Variants in CADM2 observed in about 807,000 individuals in gnomAD.
CADM2 encodes the protein immunoglobulin superfamily member 4D.
Under a neutral mutation model 49.8 loss-of-function variants are expected in CADM2, and 12 were observed. The ratio of observed to expected loss-of-function variants is 0.24; its 90% CI spans 0.15 to 0.39. The LOEUF is 0.39. CADM2 is among the 10% of genes least tolerant of loss of function. The pLI is 1.00. For missense variants in CADM2, 378 were observed against 492.3 expected (o/e 0.77, Z 2.20); for synonymous variants, 214 against 175.4 (o/e 1.22, Z -1.74).
Position 85,680,908 on chromosome 3 carries a change from G to A in CADM2, c.62-45614G>A, listed in dbSNP as rs1463274266. Among the ~76,000 whole-genome samples the A allele has an allele frequency of 2.6e-5, 4 of 152,104 alleles. No homozygotes were observed. The East Asian group carries it at 7.7e-4, about 29-fold the overall frequency. ...GATAAAGTTCCTGATAGAGAACTGT[G>A]TAATCATTTCAGAGAATATTGGGGT... is the stretch of plus-strand genomic sequence containing the variant. On this transcript the variant is annotated intron_variant, in intron 1 of 9. Transcript: ENST00000383699.
chr3:85,826,317 T>C (rs918330020), intron 3 of CADM2, among the ~76,000 whole-genome samples: 2 of 152,216 alleles, frequency 1.3e-5, no homozygotes, highest in East Asian at 1.9e-4. Context: ...TATTATTTAA[T>C]GAACAAATGC....
chr3:85,344,336 G>T (rs2030315286), intron 1 of CADM2, among the ~76,000 whole-genome samples: 1 of 151,540 alleles, frequency 6.6e-6, no homozygotes. Flanking sequence ...AGCAGAGATT[G>T]CGCCACTGCA....
chr3:85,827,926 G>T (rs2073999928), intron 3 of CADM2: 1 of 151,888 alleles, frequency 6.6e-6, no homozygotes, highest in South Asian at 2.1e-4. Context: ...CTTGTCTGAA[G>T]TTGGTTATGG....
chr3:85,076,846 C>T (rs2036964499), intron 1 of CADM2, among the ~76,000 whole-genome samples: 1 of 152,070 alleles, frequency 6.6e-6, no homozygotes, highest in Non-Finnish European at 1.5e-5. Flanking sequence ...GTGGCAGGCA[C>T]CTGCAATCCC....
At chr3:85,565,921 G>A (rs2062240606) in intron 1 of CADM2, among the ~76,000 whole-genome samples, 1 of 151,586 alleles carries the variant, frequency 6.6e-6, no homozygotes, top group Non-Finnish European at 1.5e-5. Context: ...TTGTTTATAA[G>A]TAAGCACTGG....
chr3:85,803,336 TGTAGTGGA>T (rs1357806117), intron 3 of CADM2, among the ~76,000 whole-genome samples: 2 of 152,058 alleles, frequency 1.3e-5, no homozygotes, highest in African/African-American at 2.4e-5. Context: ...GGGAATACAG[TGTAGTGGA>T]GGAGACAGAC....
rs374534278 is a variant in CADM2, at chr3:85,680,290, G to T, written c.62-46232G>T. On this transcript the variant is annotated intron_variant, in intron 1 of 9. Transcript: ENST00000383699. ...GTATCATTTTAATTAAAGGTTAAAA[G>T]AATCATTTTGGTCTGAATCGGTGGA... 5.3e-5 allele frequency among the ~76,000 whole-genome samples: 8 copies of T among 152,144 alleles called. No individual in the cohort carries two copies. In the East Asian group the frequency reaches 7.7e-4, roughly 15 times the overall value.
intron 8 of CADM2, among the ~76,000 whole-genome samples, chr3:85,985,661 T>C (rs1457733618): frequency 6.6e-6 from 1 of 152,040 alleles, no homozygotes; most frequent in African/African-American, 2.4e-5. Context: ...ATTCTTTAAA[T>C]GTAGATGAAT....
At chr3:85,279,640 T>C (rs1231845835) in intron 1 of CADM2, among the ~76,000 whole-genome samples, 1 of 151,544 alleles carries the variant, frequency 6.6e-6, no homozygotes, top group Non-Finnish European at 1.5e-5. Flanking sequence ...ATTTATTGAC[T>C]ACCAATTTTT....
intron 1 of CADM2, among the ~76,000 whole-genome samples, chr3:85,136,954 C>T (rs2039430186): frequency 6.6e-6 from 1 of 151,810 alleles, no homozygotes; most frequent in East Asian, 1.9e-4. Context: ...TAAAAATATG[C>T]AAATAAGATA....
chr3:85,793,242 A>G (rs1237382075), intron 2 of CADM2, among the ~76,000 whole-genome samples: 1 of 152,164 alleles, frequency 6.6e-6, no homozygotes, highest in Admixed American at 6.5e-5. Flanking sequence ...TTTCATGGCA[A>G]TAAATTAAGA....
intron 1 of CADM2, among the ~76,000 whole-genome samples, chr3:85,482,328 T>C (rs2039247032): frequency 6.6e-6 from 1 of 151,816 alleles, no homozygotes; most frequent in Admixed American, 6.6e-5. Flanking sequence ...TTGGTGACAG[T>C]TGTATTTCTA....
chr3:85,296,307 G>A (rs928038314), intron 1 of CADM2, among the ~76,000 whole-genome samples: 2 of 151,904 alleles, frequency 1.3e-5, no homozygotes, highest in African/African-American at 2.4e-5. Context: ...GAATTAATAT[G>A]TACTACATAT....
chr3:85,762,607 C>CTG (rs1345169063), intron 2 of CADM2, among the ~76,000 whole-genome samples: 1 of 124,230 alleles, frequency 8.0e-6, no homozygotes, highest in Middle Eastern at 3.4e-3. Context: ...CTCTCTCTCT[C>CTG]TCTCTCTCTC....
intron 3 of CADM2, among the ~76,000 whole-genome samples, chr3:85,865,619 G>C (rs1197919683): frequency 6.6e-6 from 1 of 152,164 alleles, no homozygotes; most frequent in Admixed American, 6.5e-5. Context: ...TGGAAAAAAA[G>C]TTTATTTCTG....
chr3:85,590,892 A>T (rs906553795), intron 1 of CADM2, among the ~76,000 whole-genome samples: 29 of 151,674 alleles, frequency 1.9e-4, no homozygotes, highest in Non-Finnish European at 4.1e-4. Context: ...CAATATTTTT[A>T]AAAATGAATA....
chr3:85,109,621 G>A (rs950078298), intron 1 of CADM2, among the ~76,000 whole-genome samples: 2 of 151,888 alleles, frequency 1.3e-5, no homozygotes, highest in Non-Finnish European at 2.9e-5. Context: ...TGTTATGAGG[G>A]AAAAGTAAAG....
At chr3:85,435,362 G>T (rs750191366) in intron 1 of CADM2, among the ~76,000 whole-genome samples, 4 of 152,000 alleles carry the variant, frequency 2.6e-5, no homozygotes, top group Admixed American at 2.0e-4. Context: ...CTTTTTTATG[G>T]CTGCATAGTA....
chr3:85,734,976 A>ATGTGTGTG (rs760487519), intron 2 of CADM2, among the ~76,000 whole-genome samples: 1,806 of 113,612 alleles, frequency 0.016, 28 homozygotes, highest in East Asian at 0.074. Context: ...AGAAATATAT[A>ATGTGTGTG]TATGTGTGTG....
Sources: gnomAD v4.1 joint callset for allele counts (sites outside exome capture counted in the v4.1 genomes callset) on GRCh38, gnomAD v4.1.1 for gene constraint, MANE v1.5 for transcripts, NCBI Gene and HGNC (gene_info 2026-07-23, HGNC 2026-07-21) for gene names.